DOCK3: variants seen among roughly 807,000 people sequenced by gnomAD.
DOCK3 encodes dedicator of cytokinesis 3.
DOCK3 carries 60 observed loss-of-function variants against 265.6 expected under a neutral mutation model. That is an observed-to-expected ratio of 0.23 (90% confidence interval 0.18 to 0.28). The LOEUF (loss-of-function observed/expected upper bound fraction) is 0.28. Among genes scored for constraint, DOCK3 ranks in the 10% least tolerant of loss-of-function variants. The pLI is 1.00. For missense variants in DOCK3, 1,981 were observed against 2,594.3 expected, an observed-to-expected ratio of 0.76 and a Z score of 5.14; for synonymous variants, 881 against 938.0, an observed-to-expected ratio of 0.94 and a Z score of 1.11.
At chr3:51,059,657 C>T (rs1338269521) in intron 5 of DOCK3, among the ~76,000 whole-genome samples, 1 of 152,102 alleles carries the variant, frequency 6.6e-6, no homozygotes, top group Non-Finnish European at 1.5e-5. Context: ...CTATTCACTC[C>T]CAGCTGATGA....
In DOCK3 at chr3:50,961,491, A is replaced by C. The variant is rs147945263; in HGVS notation, c.315+27414A>C. ...GAGTAGAGTCCTGAAGAAGATGAGGAGTTGAAACTTGGTGATATCTGAAGA... is the reference window on the plus strand; with the variant it reads ...GAGTAGAGTCCTGAAGAAGATGAGGCGTTGAAACTTGGTGATATCTGAAGA... On this transcript the variant is annotated intron_variant, in intron 5 of 52. Coordinates refer to ENST00000266037, the MANE Select transcript of DOCK3 (RefSeq NM_004947.5). Among the ~76,000 whole-genome samples the C allele has an allele frequency of 7.4e-4, 112 of 152,268 alleles. 2 individuals carry two copies. The highest frequency in any genetic ancestry group is 2.1e-3 in the African/African-American group (87 of 41,556).
chr3:50,693,844 T>C (rs2035428659), intron 1 of DOCK3, among the ~76,000 whole-genome samples: 1 of 152,006 alleles, frequency 6.6e-6, no homozygotes, highest in African/African-American at 2.4e-5. Context: ...GCCTTCCTTT[T>C]CATATCATTC....
intron 1 of DOCK3, among the ~76,000 whole-genome samples, chr3:50,728,851 T>C (rs2038003031): frequency 6.6e-6 from 1 of 151,250 alleles, no homozygotes; most frequent in South Asian, 2.1e-4. Flanking sequence ...GCCTTCTGAG[T>C]AGCTGGGATT....
At chr3:50,933,831 T>G (rs369085314) in intron 4 of DOCK3, 150 bp from the exon 5 acceptor site, 57 of 519,418 alleles carry the variant, frequency 1.1e-4, no homozygotes, top group East Asian at 5.6e-4. Context: ...CAGTATATCA[T>G]TATAAAAAGG....
chr3:51,288,190 G>A (rs1474816957), intron 27 of DOCK3, among the ~76,000 whole-genome samples: 4 of 152,056 alleles, frequency 2.6e-5, no homozygotes, highest in South Asian at 2.1e-4. Flanking sequence ...TCAGGAGTTC[G>A]AGACCAGCCT....
At position 51,361,807 on chromosome 3, in the gene DOCK3, C is replaced by G; in HGVS notation, c.5007-52C>G. On this transcript the variant is annotated intron_variant, in intron 47 of 52. Coordinates refer to ENST00000266037, the MANE Select transcript of DOCK3 (RefSeq NM_004947.5). The surrounding 1 kb of genome is among the most constrained non-coding windows in gnomAD (Gnocchi z 4.2). Reference sequence around the variant, plus strand: ...CCACACATTCCGCTCTACTGTCCCCCTGCCACCTGCCATGGGCCTGACTCC... The same window carrying G: ...CCACACATTCCGCTCTACTGTCCCCGTGCCACCTGCCATGGGCCTGACTCC... 6.3e-7 allele frequency: 1 copy of G among 1,588,442 alleles called. No homozygotes were observed. The highest frequency in any genetic ancestry group is 8.6e-7 in the Non-Finnish European group (1 of 1,167,102).
intron 2 of DOCK3, among the ~76,000 whole-genome samples, chr3:50,788,438 G>A (rs902901809): frequency 1.3e-5 from 2 of 152,244 alleles, no homozygotes; most frequent in Non-Finnish European, 2.9e-5. Context: ...CAGTGTTGCA[G>A]CACCAAAGCA....
At chr3:51,345,219 T>A (rs1215416980) in intron 38 of DOCK3, among the ~76,000 whole-genome samples, 1 of 152,178 alleles carries the variant, frequency 6.6e-6, no homozygotes, top group Non-Finnish European at 1.5e-5. Flanking sequence ...AGGACTGATA[T>A]ACGCCCCCTT....
Position 51,315,042 on chromosome 3 carries a change from C to A in DOCK3, c.3316C>A (p.Pro1106Thr). The A allele has an allele frequency of 1.2e-6, 2 of 1,612,806 alleles. No individual in the cohort carries two copies. The highest frequency in any genetic ancestry group is 1.7e-6 in the Non-Finnish European group (2 of 1,179,278). The change falls in exon 32 of 53, where the codon CCA becomes ACA. Residue 1106 changes from proline (P) to threonine (T), a missense_variant. Physicochemically the swap from Pro to Thr is conservative, Grantham distance 38. Around this residue, in one of 4 missense-constraint regions of DOCK3, gnomAD observed 1,357 missense variants for 1,866.8 expected, o/e 0.73. Coordinates refer to ENST00000266037, the MANE Select transcript of DOCK3 (RefSeq NM_004947.5). ...IGPFLGVTLVPQPEVRNIMIP... is the reference protein window; with the variant it reads ...IGPFLGVTLVTQPEVRNIMIP... ...TCCTTTTCTGGGTGTGACACTGGTC[C>A]CACAGCCAGAAGTACGGAATATCAT...
rs1243596137 is a variant in DOCK3 at position 51,354,748 on chromosome 3, T to C, written c.4108-134T>C. 1.2e-5 allele frequency: 16 copies of C among 1,374,862 alleles called. No homozygotes were observed. The East Asian group carries it at 2.6e-4, about 22-fold the overall frequency. 85.2% of individuals were successfully genotyped at this position (1,374,862 alleles called of 1,614,324 possible). A position where few individuals can be genotyped will look rare whatever the true frequency, so the allele number is the denominator to read the frequency against. On this transcript the variant is annotated intron_variant, in intron 40 of 52. Coordinates refer to ENST00000266037, the MANE Select transcript of DOCK3 (RefSeq NM_004947.5). ...TTCTGCCTCCTTGAGTGCAATGCCCTGTGCCTGTCCCAGGGCCTGATACAG... is the reference window on the plus strand; with the variant it reads ...TTCTGCCTCCTTGAGTGCAATGCCCCGTGCCTGTCCCAGGGCCTGATACAG...
chr3:51,191,154 A>T (rs1213915959), intron 12 of DOCK3, among the ~76,000 whole-genome samples: 1 of 152,070 alleles, frequency 6.6e-6, no homozygotes, highest in Non-Finnish European at 1.5e-5. Flanking sequence ...GGAGACAGCA[A>T]TCAGGGCTTT....
intron 2 of DOCK3, among the ~76,000 whole-genome samples, chr3:50,801,813 A>G (rs1378371774): frequency 6.6e-6 from 1 of 152,118 alleles, no homozygotes; most frequent in African/African-American, 2.4e-5. Context: ...GTCCACAGCT[A>G]TTATTGTATT....
At chr3:51,194,611 A>AT (rs1272154274) in intron 12 of DOCK3, among the ~76,000 whole-genome samples, 2 of 151,990 alleles carry the variant, frequency 1.3e-5, no homozygotes, top group Non-Finnish European at 2.9e-5. Context: ...TATATTTAGA[A>AT]TTTTTTATCA....
intron 28 of DOCK3, 100 bp from the exon 29 acceptor site, chr3:51,311,904 C>A: frequency 1.3e-6 from 1 of 771,652 alleles, no homozygotes; most frequent in Non-Finnish European, 2.0e-6. Context: ...ACAAATTGTA[C>A]TCAAGAAGTT....
intron 1 of DOCK3, among the ~76,000 whole-genome samples, chr3:50,725,944 G>T (rs2108064222): frequency 6.6e-6 from 1 of 152,238 alleles, no homozygotes; most frequent in Middle Eastern, 3.4e-3. Context: ...ATTCCCAAGT[G>T]ATTCTTACAG....
intron 3 of DOCK3, among the ~76,000 whole-genome samples, chr3:50,887,048 C>G (rs2048378777): frequency 6.6e-6 from 1 of 151,924 alleles, no homozygotes; most frequent in Non-Finnish European, 1.5e-5. Context: ...CACAAAAAAC[C>G]CTTCAAAAAA....
At chr3:50,858,588 C>G (rs1229261566) in intron 3 of DOCK3, among the ~76,000 whole-genome samples, 1 of 151,990 alleles carries the variant, frequency 6.6e-6, no homozygotes, top group Admixed American at 6.6e-5. Flanking sequence ...AACATTCTTT[C>G]TTTTATTCAA....
rs183909666 is a variant in DOCK3, at chr3:50,719,500, G to A, written c.37+44200G>A. On this transcript the variant is annotated intron_variant, in intron 1 of 52. Coordinates refer to ENST00000266037, the MANE Select transcript of DOCK3 (RefSeq NM_004947.5). ...AAATTTATTAGAATTGTCCACAGTC[G>A]GCAATGGTGATCTTCTCACTGGTCT... 1.6e-3 allele frequency: 1,358 copies of A among 873,418 alleles called. 2 individuals are homozygous for A. The highest frequency in any genetic ancestry group is 1.3e-3 in the Non-Finnish European group (721 of 548,384). The allele number at this position is 873,418 out of a possible 1,614,324, so 54.1% of individuals were successfully genotyped here.
At chr3:50,740,225 A>G (rs1208220990) in intron 1 of DOCK3, among the ~76,000 whole-genome samples, 2 of 152,132 alleles carry the variant, frequency 1.3e-5, no homozygotes, top group South Asian at 2.1e-4. Flanking sequence ...ACAGAATAGT[A>G]TTCCATTGTG....
Sources: allele counts gnomAD v4.1 joint callset (sites outside exome capture counted in the v4.1 genomes callset), GRCh38; gene constraint gnomAD v4.1.1; regional missense constraint gnomAD v4.1.1; non-coding constraint Gnocchi (gnomAD v3.1); transcripts MANE v1.5; gene names NCBI Gene and HGNC (gene_info 2026-07-23, HGNC 2026-07-21).